The following PCDHA4 variants were observed in gnomAD, a reference collection of about 807,000 sequenced individuals.
The protein encoded by PCDHA4 is protocadherin alpha-4.
In PCDHA4, 49 loss-of-function variants were observed where a neutral mutation model predicts 61.4. The ratio of observed to expected loss-of-function variants is 0.80; its 90% CI spans 0.63 to 1.01. The LOEUF (loss-of-function observed/expected upper bound fraction) is 1.01. PCDHA4 is among the 50% of genes least tolerant of loss of function. PCDHA4 has a pLI of 0.00. For missense variants in PCDHA4, 1,254 were observed against 1,235.8 expected, an observed-to-expected ratio of 1.01 and a Z score of -0.22; for synonymous variants, 590 against 550.3, an observed-to-expected ratio of 1.07 and a Z score of -1.01.
chr5:140,851,932 TGTA>T lies in PCDHA4; in HGVS notation c.2385+42364_2385+42366del. ...TCACTACATGTTATGTTTCCTGAAT[TGTA>T]GTATGTGACTTTCAAAATGGTGGTT... On this transcript the variant is annotated intron_variant, in intron 1 of 3. Transcript: ENST00000530339. 5.2e-6 allele frequency: 5 copies of T among 965,638 alleles called. 1 individual carries two copies. The highest frequency in any genetic ancestry group is 5.0e-6 in the Non-Finnish European group (4 of 798,866). The allele number at this position is 965,638 out of a possible 1,614,324, so 59.8% of individuals were successfully genotyped here. A position where few individuals can be genotyped will look rare whatever the true frequency, so the allele number is the denominator to read the frequency against.
Position 140,910,294 on chromosome 5 carries a change from A to C in PCDHA4, c.2386-68655A>C, listed in dbSNP as rs146332329. Among the ~76,000 whole-genome samples, 1,310 of 151,558 alleles carry C rather than the reference A, an allele frequency of 8.6e-3. 14 individuals carry two copies. The highest frequency in any genetic ancestry group is 0.03 in the African/African-American group (1,252 of 41,252). ...TCTAGGAACACCATGATTAATCAAC[A>C]GATGCCAGAGATCTACATGAGTCAG... On this transcript the variant is annotated intron_variant, in intron 1 of 3. Transcript: ENST00000530339.
At chr5:140,867,267 A>G (rs2049851956) in intron 1 of PCDHA4, 1 of 152,078 alleles carries the variant, frequency 6.6e-6, no homozygotes, top group African/African-American at 2.4e-5. Flanking sequence ...TTTTGTTCAA[A>G]ATAAACCTGA....
At chr5:140,941,698 T>C (rs2093148440) in intron 1 of PCDHA4, among the ~76,000 whole-genome samples, 1 of 152,186 alleles carries the variant, frequency 6.6e-6, no homozygotes, top group African/African-American at 2.4e-5. Flanking sequence ...TCTTTGGGCT[T>C]AGCTTTCCTC....
At chr5:141,009,476 C>T in intron 3 of PCDHA4, 151 bp from the exon 4 acceptor site, 4 of 1,420,154 alleles carry the variant, frequency 2.8e-6, no homozygotes, top group Non-Finnish European at 2.8e-6. Flanking sequence ...AATAAGTAAA[C>T]ACTTGCCTTG....
At chr5:140,926,873 C>T in intron 1 of PCDHA4, 1 of 1,525,502 alleles carries the variant, frequency 6.6e-7, no homozygotes, top group Non-Finnish European at 8.8e-7. Context: ...GTTGGTGGAA[C>T]GTGGACGCCT....
At chr5:140,870,257 C>A in intron 1 of PCDHA4, 2 of 1,614,172 alleles carry the variant, frequency 1.2e-6, no homozygotes, top group African/African-American at 1.3e-5. Flanking sequence ...GGACAGGTGA[C>A]CTGCTCGCTG....
chr5:140,893,689 A>T (rs999117899), intron 1 of PCDHA4, among the ~76,000 whole-genome samples: 1 of 152,192 alleles, frequency 6.6e-6, no homozygotes, highest in Admixed American at 6.5e-5. Flanking sequence ...ATATCATCTC[A>T]TTCTATCCTA....
At chr5:140,943,200 G>A (rs2093432800) in intron 1 of PCDHA4, among the ~76,000 whole-genome samples, 1 of 140,910 alleles carries the variant, frequency 7.1e-6, no homozygotes, top group Non-Finnish European at 1.5e-5. Context: ...GGAGGCTGCA[G>A]TAAGCCAAGA....
rs2150153911 is a variant in PCDHA4 at position 140,828,315 on chromosome 5, T to C, written c.2385+18743T>C. 6.0e-5 allele frequency: 97 copies of C among 1,614,054 alleles called. No homozygotes were observed. The highest frequency in any genetic ancestry group is 6.7e-5 in the Admixed American group (4 of 60,014). ...GCCTCCAAAGACCGCGAGGACCTTC[T>C]GGAGGTAAATCTGCAGAATGGCATT... On this transcript the variant is annotated intron_variant, in intron 1 of 3. Coordinates refer to ENST00000530339, the MANE Select transcript of PCDHA4 (RefSeq NM_018907.4).
chr5:140,915,328 A>G (rs1554196854), intron 1 of PCDHA4, among the ~76,000 whole-genome samples: 1 of 152,100 alleles, frequency 6.6e-6, no homozygotes. Context: ...CAGTGTTATA[A>G]TATTCTGTGT....
chr5:140,890,828 A>G (rs1554184556), intron 1 of PCDHA4, among the ~76,000 whole-genome samples: 1 of 152,180 alleles, frequency 6.6e-6, no homozygotes, highest in Non-Finnish European at 1.5e-5. Flanking sequence ...ATGTACTTAC[A>G]TATTTACCAG....
In PCDHA4 at chr5:140,839,872, A is replaced by G. The variant is rs1331265354; in HGVS notation, c.2385+30300A>G. ...TTACTTTTGAGGTGGACTTTGAAAG[A>G]TGAATAGAATTTTGACAGAAAAAGA... is the stretch of plus-strand genomic sequence containing the variant. On this transcript the variant is annotated intron_variant, in intron 1 of 3. Coordinates refer to ENST00000530339, the MANE Select transcript of PCDHA4 (RefSeq NM_018907.4). Among the ~76,000 whole-genome samples, 10 of 152,164 alleles carry G rather than the reference A, an allele frequency of 6.6e-5. 1 individual carries two copies. Among genetic ancestry groups the G allele is most frequent in the African/African-American group, 1.9e-4 (8 of 41,502 alleles).
Position 141,010,533 on chromosome 5 carries a change from C to T in PCDHA4, c.*596C>T, listed in dbSNP as rs1466502614. 4 of 390,018 alleles carry T rather than the reference C, an allele frequency of 1.0e-5. No homozygotes were observed. Among genetic ancestry groups the T allele is most frequent in the African/African-American group, 8.2e-5 (4 of 49,000 alleles). 24.2% of individuals were successfully genotyped at this position (390,018 alleles called of 1,614,324 possible). ...TACAACTCAAGAGGTGGCAGCCACCCTCTAGGAGACAAAACTACCCCCACT... is the reference window on the plus strand; with the variant it reads ...TACAACTCAAGAGGTGGCAGCCACCTTCTAGGAGACAAAACTACCCCCACT... On this transcript the variant is annotated 3_prime_UTR_variant, in exon 4 of 4. Transcript: ENST00000530339.
At chr5:140,909,043 C>T (rs2074280472) in intron 1 of PCDHA4, among the ~76,000 whole-genome samples, 1 of 152,188 alleles carries the variant, frequency 6.6e-6, no homozygotes, top group Non-Finnish European at 1.5e-5. Flanking sequence ...TTTCCATACT[C>T]TGGCATGCAA....
chr5:140,891,877 T>A (rs2063293050), intron 1 of PCDHA4, among the ~76,000 whole-genome samples: 1 of 152,218 alleles, frequency 6.6e-6, no homozygotes, highest in East Asian at 1.9e-4. Flanking sequence ...TTTGGCTCTG[T>A]CATGTGACGA....
chr5:140,976,556 T>G (rs2096722872), intron 1 of PCDHA4, among the ~76,000 whole-genome samples: 1 of 151,920 alleles, frequency 6.6e-6, no homozygotes, highest in African/African-American at 2.4e-5. Flanking sequence ...ATCTCATAAA[T>G]AAATAAATAA....
At chr5:140,944,928 C>A (rs1554216614) in intron 1 of PCDHA4, among the ~76,000 whole-genome samples, 1 of 152,074 alleles carries the variant, frequency 6.6e-6, no homozygotes, top group Non-Finnish European at 1.5e-5. Flanking sequence ...TTGGTTTATG[C>A]CTTCTTTAGA....
intron 1 of PCDHA4, among the ~76,000 whole-genome samples, chr5:140,847,167 A>T (rs1354541358): frequency 6.7e-6 from 1 of 149,596 alleles, no homozygotes; most frequent in Non-Finnish European, 1.5e-5. Flanking sequence ...TGAGTAATAA[A>T]CTAAAGGGCC....
intron 1 of PCDHA4, chr5:140,861,770 C>T (rs2047074115): frequency 6.2e-6 from 1 of 161,486 alleles, no homozygotes; most frequent in African/African-American, 2.4e-5. Flanking sequence ...CCTGGAAATA[C>T]CAAGAGCAGG....
Sources: allele counts gnomAD v4.1 joint callset (sites outside exome capture counted in the v4.1 genomes callset), GRCh38; gene constraint gnomAD v4.1.1; transcripts MANE v1.5; gene names NCBI Gene and HGNC (gene_info 2026-07-23, HGNC 2026-07-21).